Variants in ATRX observed in about 807,000 individuals in gnomAD.
The protein encoded by ATRX is chromatin remodeler ATRX.
ATRX carries 12 observed loss-of-function variants against 172.6 expected under a neutral mutation model. That is an observed-to-expected ratio of 0.07 (90% CI 0.04 to 0.11). The LOEUF (loss-of-function observed/expected upper bound fraction) is 0.11. Among genes scored for constraint, ATRX ranks in the 10% least tolerant of loss-of-function variants. The pLI, the probability that ATRX is intolerant of heterozygous loss-of-function variation, is 1.00. For missense variants in ATRX, 1,368 were observed against 1,767.4 expected (o/e 0.77, Z 4.05); for synonymous variants, 674 against 594.7 (o/e 1.13, Z -1.94).
At position 77,744,610 on chromosome X, in the gene ATRX, C is replaced by A. The variant is rs889397096; in HGVS notation, c.21-27367G>T. On this transcript the variant is annotated intron_variant, in intron 1 of 34. Coordinates refer to ENST00000373344, the MANE Select transcript of ATRX (RefSeq NM_000489.6). The stretch of plus-strand genomic sequence containing the variant: ...ATTGATTTTAAGGGTCACTGAGATG[C>A]AAGAAAAGTCTGAAAACCAATACAA... 2.3e-4 allele frequency among the ~76,000 whole-genome samples: 25 copies of A among 110,808 alleles called. 1 individual carries two copies. Among genetic ancestry groups the A allele is most frequent in the African/African-American group, 7.9e-4 (24 of 30,452 alleles).
intron 1 of ATRX, among the ~76,000 whole-genome samples, chrX:77,736,034 C>T (rs1398202025): frequency 9.2e-6 from 1 of 108,699 alleles, no homozygotes; most frequent in East Asian, 2.8e-4. Flanking sequence ...AGAAACTAGA[C>T]TCCTATCTCT....
chrX:77,766,443 A>AG (rs1166045747), intron 1 of ATRX, among the ~76,000 whole-genome samples: 1 of 102,311 alleles, frequency 9.8e-6, no homozygotes, highest in African/African-American at 3.7e-5. Flanking sequence ...TGCCAGGCGG[A>AG]GGGGCTCCTC....
chrX:77,612,807 T>C (rs1210883122), intron 22 of ATRX, among the ~76,000 whole-genome samples: 1 of 111,313 alleles, frequency 9.0e-6, no homozygotes, highest in Admixed American at 9.6e-5. Flanking sequence ...CTCGTAGAGT[T>C]TGGCTACTCT....
At chrX:77,733,366 C>T (rs1275749704) in intron 1 of ATRX, among the ~76,000 whole-genome samples, 1 of 111,153 alleles carries the variant, frequency 9.0e-6, no homozygotes, top group African/African-American at 3.3e-5. Flanking sequence ...GCAGAAAGAA[C>T]AAAACTGGAA....
Position 77,682,466 on chromosome X carries a change from A to G in ATRX, c.2790T>C (p.Ser930=). 8.3e-7 allele frequency: 1 copy of G among 1,209,744 alleles called. No individual in the cohort carries two copies. ...CTTTTCTAACTTCCAAAGAAGTAAA[A>G]CTCTCCTCTTTCCCAGAAAGCTTAT... is the stretch of plus-strand genomic sequence containing the variant. ...GVDKLSGKEE[S]FTSLEVRKVA... The change falls in exon 9 of 35, where the codon AGT becomes AGC. Residue 930 remains serine, a synonymous_variant. Coordinates refer to ENST00000373344, the MANE Select transcript of ATRX (RefSeq NM_000489.6).
At chrX:77,636,898 A>G (rs1181462471) in intron 15 of ATRX, among the ~76,000 whole-genome samples, 19 of 102,410 alleles carry the variant, frequency 1.9e-4, no homozygotes, top group Non-Finnish European at 3.8e-4. Context: ...AGAAGAAGAA[A>G]GAAGAAGAAG....
At chrX:77,612,005 A>G (rs1557094300) in intron 22 of ATRX, among the ~76,000 whole-genome samples, 2 of 112,187 alleles carry the variant, frequency 1.8e-5, no homozygotes, top group African/African-American at 6.5e-5. Context: ...AAATGTATAT[A>G]ACAAGTAAAA....
chrX:77,518,177 A>C (rs1557039848), intron 34 of ATRX, among the ~76,000 whole-genome samples: 1 of 112,264 alleles, frequency 8.9e-6, no homozygotes, highest in East Asian at 2.8e-4. Context: ...TAGAGCAATC[A>C]GACAAGAGAA....
At chrX:77,666,629 G>A (rs911876471) in intron 10 of ATRX, among the ~76,000 whole-genome samples, 3 of 112,131 alleles carry the variant, frequency 2.7e-5, no homozygotes, top group Non-Finnish European at 5.6e-5. Flanking sequence ...GAAAGCAGAG[G>A]CAGGCAGATC....
chrX:77,604,668 A>G (rs1569529377), intron 22 of ATRX, among the ~76,000 whole-genome samples: 1 of 112,247 alleles, frequency 8.9e-6, no homozygotes, highest in African/African-American at 3.2e-5. Flanking sequence ...AGAAATCATT[A>G]TATCAAAAAC....
intron 34 of ATRX, among the ~76,000 whole-genome samples, chrX:77,519,275 A>G (rs1289145513): frequency 8.9e-6 from 1 of 111,832 alleles, no homozygotes; most frequent in African/African-American, 3.3e-5. Context: ...AATAACCAGA[A>G]TATATAAGGA....
intron 10 of ATRX, 76 bp from the exon 11 acceptor site, chrX:77,664,854 C>G (rs2148499788): frequency 2.1e-6 from 2 of 947,201 alleles, no homozygotes; most frequent in Non-Finnish European, 2.9e-6. Context: ...TAAAAACAGA[C>G]TTCTTTGAAT....
intron 22 of ATRX, among the ~76,000 whole-genome samples, chrX:77,612,419 G>C (rs2067196468): frequency 9.2e-6 from 1 of 108,272 alleles, no homozygotes; most frequent in African/African-American, 3.4e-5. Flanking sequence ...GGCCTGTTGG[G>C]GGGTGAGGGG....
chrX:77,613,279 GCCA>G (rs1435112399), intron 22 of ATRX, among the ~76,000 whole-genome samples: 14 of 108,812 alleles, frequency 1.3e-4, no homozygotes, highest in African/African-American at 4.0e-4. Flanking sequence ...TTTTATAATG[GCCA>G]CCACAATGGG....
Position 77,683,563 on chromosome X carries a change from T to C in ATRX, c.1693A>G (p.Ile565Val), listed in dbSNP as rs45528831. ...CCTCCTCTGTTGTCTTTTGAAGAAA[T>C]ATTTAATTTTACAGATGAACTCTCC... ...EVESSSVKLN[I>V]SSKDNRGGIK... Residue 565 changes from isoleucine to valine, a missense_variant, in exon 9 of 35, where the codon ATT becomes GTT. Coordinates refer to ENST00000373344, the MANE Select transcript of ATRX (RefSeq NM_000489.6). 4 of 1,208,941 alleles carry C rather than the reference T, an allele frequency of 3.3e-6. No homozygotes were observed. In the East Asian group the frequency reaches 1.2e-4, roughly 36 times the overall value.
intron 10 of ATRX, among the ~76,000 whole-genome samples, chrX:77,669,187 A>G (rs1015385205): frequency 5.4e-5 from 6 of 112,125 alleles, no homozygotes; most frequent in Admixed American, 4.7e-4. Flanking sequence ...CTAGTGGCAA[A>G]GTCAGGAGTA....
intron 2 of ATRX, among the ~76,000 whole-genome samples, chrX:77,710,166 G>C (rs782546015): frequency 2.7e-5 from 3 of 109,829 alleles, no homozygotes; most frequent in African/African-American, 1.0e-4. Context: ...GGGTGTGGTG[G>C]CGCTTGCCTG....
intron 22 of ATRX, among the ~76,000 whole-genome samples, chrX:77,609,626 G>C (rs1340529486): frequency 8.9e-6 from 1 of 111,868 alleles, no homozygotes; most frequent in Non-Finnish European, 1.9e-5. Context: ...CAGGATTACA[G>C]GCACATGCCA....
At chrX:77,757,828 C>A (rs976998882) in intron 1 of ATRX, among the ~76,000 whole-genome samples, 2 of 109,030 alleles carry the variant, frequency 1.8e-5, no homozygotes, top group African/African-American at 6.7e-5. Flanking sequence ...CCTGCCACCA[C>A]GCTCAGCTAA....
Sources: allele counts gnomAD v4.1 joint callset (sites outside exome capture counted in the v4.1 genomes callset), GRCh38; gene constraint gnomAD v4.1.1; transcripts MANE v1.5; gene names NCBI Gene and HGNC (gene_info 2026-07-23, HGNC 2026-07-21).